Variants in CCDC33 observed in about 807,000 individuals in gnomAD.
CCDC33 encodes the protein coiled-coil domain containing 33, also known as coiled-coil domain-containing protein 33.
Under a neutral mutation model 91.9 loss-of-function variants are expected in CCDC33, and 94 were observed. That is an observed-to-expected ratio of 1.02 (90% CI 0.87 to 1.21). CCDC33 has a LOEUF of 1.21. Ranked by LOEUF, CCDC33 falls within the 50% of genes most tolerant of loss-of-function variation. CCDC33 has a pLI of 0.00. For missense variants in CCDC33, 940 were observed against 935.5 expected, an observed-to-expected ratio of 1.00 and a Z score of -0.06; for synonymous variants, 396 against 374.5, an observed-to-expected ratio of 1.06 and a Z score of -0.66.
intron 10 of CCDC33, among the ~76,000 whole-genome samples, chr15:74,293,361 T>G (rs748153628): frequency 2.6e-5 from 4 of 152,156 alleles, no homozygotes; most frequent in Non-Finnish European, 4.4e-5. Context: ...GGGAAGGTGG[T>G]CTTTGCCCTG....
At chr15:74,225,852 AG>A (rs2074778767) in intron 2 of CCDC33, among the ~76,000 whole-genome samples, 1 of 152,152 alleles carries the variant, frequency 6.6e-6, no homozygotes, top group Non-Finnish European at 1.5e-5. Context: ...GGTGAGGGGT[AG>A]GGCTGTTAGG....
At chr15:74,297,582 TACTCAGGAACC>T (rs1596060571) in intron 11 of CCDC33, among the ~76,000 whole-genome samples, 1 of 152,284 alleles carries the variant, frequency 6.6e-6, no homozygotes, top group East Asian at 1.9e-4. Flanking sequence ...TAGTCTCAGC[TACTCAGGAACC>T]TGAGGCAGGA....
At chr15:74,272,955 C>A in intron 7 of CCDC33, 64 bp downstream of exon 7, 1 of 1,586,942 alleles carries the variant, frequency 6.3e-7, no homozygotes, top group Non-Finnish European at 8.6e-7. Context: ...TGTTCACTCA[C>A]TCAGTGAGTC....
upstream of CCDC33, among the ~76,000 whole-genome samples, chr15:74,216,538 C>CTT (rs112654498): frequency 1.7e-3 from 63 of 37,474 alleles, 1 homozygote; most frequent in Non-Finnish European, 2.2e-3. Flanking sequence ...GCCAATACCA[C>CTT]TTTTTTTTTT....
intron 11 of CCDC33, among the ~76,000 whole-genome samples, chr15:74,320,479 C>G (rs1251046204): frequency 6.6e-6 from 1 of 152,138 alleles, no homozygotes; most frequent in Non-Finnish European, 1.5e-5. Context: ...CCACCGGGAA[C>G]TCTCTGAGTG....
intron 2 of CCDC33, among the ~76,000 whole-genome samples, chr15:74,248,532 C>A (rs571679035): frequency 6.6e-6 from 1 of 152,212 alleles, no homozygotes; most frequent in African/African-American, 2.4e-5. Flanking sequence ...GCATCCCTAG[C>A]AGGCAGGACC....
chr15:74,222,824 G>A (rs2074651889), intron 2 of CCDC33, among the ~76,000 whole-genome samples: 1 of 130,790 alleles, frequency 7.6e-6, no homozygotes, highest in Non-Finnish European at 1.5e-5. Context: ...GCATGTCTCT[G>A]GTCCCAGTTC....
intron 11 of CCDC33, among the ~76,000 whole-genome samples, chr15:74,322,524 T>G (rs1168220350): frequency 6.6e-6 from 1 of 152,214 alleles, no homozygotes; most frequent in Non-Finnish European, 1.5e-5. Flanking sequence ...ATTCACTGAG[T>G]GACTTCAGGC....
In CCDC33 at chr15:74,328,358, C is replaced by T. The variant is rs1343764238; in HGVS notation, c.1291-1831C>T. On this transcript the variant is annotated intron_variant, in intron 11 of 18. Coordinates refer to ENST00000398814, the MANE Select transcript of CCDC33 (RefSeq NM_025055.5). The stretch of plus-strand genomic sequence containing the variant: ...TATACCTGCCTGGGCAGGGGCTTCA[C>T]GCACCAACTCTTGAGCCTCACAGCA... Among the ~76,000 whole-genome samples, 9 of 152,304 alleles carry T rather than the reference C, an allele frequency of 5.9e-5. No homozygotes were observed. In the South Asian group the frequency reaches 1.7e-3, roughly 28 times the overall value.
At chr15:74,243,959 A>G in intron 1 of CCDC33, 26 bp from the exon 2 acceptor site, 4 of 1,531,196 alleles carry the variant, frequency 2.6e-6, no homozygotes, top group South Asian at 1.2e-5. Context: ...AAAAAAAAAA[A>G]CACTCAGCCC....
chr15:74,307,059 G>A (rs948642473), intron 11 of CCDC33, among the ~76,000 whole-genome samples: 2 of 152,214 alleles, frequency 1.3e-5, no homozygotes, highest in Admixed American at 1.3e-4. Flanking sequence ...GGCCGGTGCT[G>A]CCAGGTCTTG....
In CCDC33 at chr15:74,330,959, T is replaced by C. The variant is rs370322070; in HGVS notation, c.1546-22T>C. 5.2e-5 allele frequency: 81 copies of C among 1,566,464 alleles called. No homozygotes were observed. The African/African-American group carries it at 8.8e-4, about 17-fold the overall frequency. On this transcript the variant is annotated intron_variant, in intron 13 of 18. Transcript: ENST00000398814. ...CTCCCAGGCACCCATTCTCTCCCCT[T>C]CTCTCCTCCCCCATCTCACAGAAGA...
At chr15:74,269,744 C>T (rs1211779097) in intron 5 of CCDC33, among the ~76,000 whole-genome samples, 1 of 152,144 alleles carries the variant, frequency 6.6e-6, no homozygotes, top group African/African-American at 2.4e-5. Flanking sequence ...GCACCCTGCC[C>T]ACTCTCCTGC....
Position 74,236,654 on chromosome 15 carries a change from C to T in CCDC33, c.-66C>T. The T allele has an allele frequency of 1.3e-6, 2 of 1,503,454 alleles. No homozygotes were observed. The highest frequency in any genetic ancestry group is 2.3e-5 in the South Asian group (2 of 87,222). 93.1% of individuals were successfully genotyped at this position (1,503,454 alleles called of 1,614,324 possible). A position where few individuals can be genotyped will look rare whatever the true frequency, so the allele number is the denominator to read the frequency against. ...CTGGGCAGGACTGATTCCTGATCAC[C>T]CACTGATACCAAGTACTCATCCCCA... is the stretch of plus-strand genomic sequence containing the variant. On this transcript the variant is annotated 5_prime_UTR_variant, in exon 1 of 19. Transcript: ENST00000398814.
chr15:74,213,945 C>G (rs1309002905), upstream of CCDC33, among the ~76,000 whole-genome samples: 1 of 152,166 alleles, frequency 6.6e-6, no homozygotes, highest in Non-Finnish European at 1.5e-5. Flanking sequence ...CTCTGCACCT[C>G]AGATTCTGCG....
intron 8 of CCDC33, 151 bp downstream of exon 8, chr15:74,280,243 G>A (rs1182723079): frequency 2.2e-6 from 2 of 906,352 alleles, no homozygotes; most frequent in Non-Finnish European, 3.3e-6. Context: ...GAGGAGAGCT[G>A]GCTGCGTTCC....
At chr15:74,330,460 G>A in intron 12 of CCDC33, 106 bp downstream of exon 12, 1 of 1,327,292 alleles carries the variant, frequency 7.5e-7, no homozygotes, top group Non-Finnish European at 1.0e-6. Context: ...GCATGCTGCT[G>A]GACTCTGGCA....
chr15:74,263,947 T>A (rs2076096928), intron 3 of CCDC33, among the ~76,000 whole-genome samples: 1 of 151,644 alleles, frequency 6.6e-6, no homozygotes, highest in Non-Finnish European at 1.5e-5. Context: ...AAGTTAGAGG[T>A]TATGATGAGT....
chr15:74,217,054 G>A, upstream of CCDC33: 1 of 271,570 alleles, frequency 3.7e-6, no homozygotes, highest in Non-Finnish European at 7.2e-6. Context: ...AGAAATATTT[G>A]TTGAAGGAAC....
Sources: gnomAD v4.1 joint callset for allele counts (sites outside exome capture counted in the v4.1 genomes callset) on GRCh38, gnomAD v4.1.1 for gene constraint, MANE v1.5 for transcripts, NCBI Gene and HGNC (gene_info 2026-07-23, HGNC 2026-07-21) for gene names.